ADAMTS2: variants seen among roughly 807,000 people sequenced by gnomAD.
ADAMTS2 encodes A disintegrin and metalloproteinase with thrombospondin motifs 2.
In ADAMTS2, 50 loss-of-function variants were observed where a neutral mutation model predicts 123.0. That is an observed-to-expected ratio of 0.41 (90% CI 0.32 to 0.51). The LOEUF (loss-of-function observed/expected upper bound fraction) is 0.51. ADAMTS2 is among the 20% of genes least tolerant of loss of function. The probability of loss-of-function intolerance (pLI) is 0.35; values close to 1 mark genes in which losing one functional copy is unlikely to be tolerated. For synonymous variants in ADAMTS2, 678 were observed against 695.4 expected (o/e 0.98, Z 0.39); for missense variants, 1,494 against 1,705.2 (o/e 0.88, Z 2.18).
intron 13 of ADAMTS2, among the ~76,000 whole-genome samples, chr5:179,133,964 G>A (rs775720419): frequency 4.6e-4 from 69 of 151,358 alleles, no homozygotes; most frequent in Non-Finnish European, 6.3e-4. Flanking sequence ...TGCCCGCCTC[G>A]GCCTCCCAAA....
At position 179,189,510 on chromosome 5, in the gene ADAMTS2, G is replaced by GTTTTTT. The variant is rs146295427; in HGVS notation, c.892-8361_892-8356dup. Among the ~76,000 whole-genome samples the GTTTTTT allele has an allele frequency of 1.9e-4, 15 of 78,942 alleles. No homozygotes were observed. Among genetic ancestry groups the GTTTTTT allele is most frequent in the African/African-American group, 2.7e-4 (6 of 22,382 alleles). The allele number at this position is 78,942 out of a possible 152,430, so 51.8% of individuals were successfully genotyped here. On this transcript the variant is annotated intron_variant, in intron 4 of 21. Transcript: ENST00000251582. This position sits in a 1 kb window ranked among gnomAD's most constrained non-coding sequence, Gnocchi z 4.2. Reference sequence around the variant, plus strand: ...CTACAGGCGCCCGCCAGTGCGCCTGGTTTTTTTTTTTTTTTTTTTTTTTTT... The same window carrying GTTTTTT: ...CTACAGGCGCCCGCCAGTGCGCCTGGTTTTTTTTTTTTTTTTTTTTTTTTTTTTTTT...
intron 2 of ADAMTS2, among the ~76,000 whole-genome samples, chr5:179,323,795 T>A (rs1156362120): frequency 2.6e-5 from 4 of 152,246 alleles, no homozygotes; most frequent in Non-Finnish European, 5.9e-5. Flanking sequence ...CACTCCTAGG[T>A]CTTATTATTT....
At chr5:179,127,899 C>T in intron 17 of ADAMTS2, 60 bp downstream of exon 17, 2 of 1,607,474 alleles carry the variant, frequency 1.2e-6, no homozygotes. Context: ...CAGGGATGCT[C>T]CCTACCTTCT....
chr5:179,271,419 C>T (rs1023006881), intron 3 of ADAMTS2, among the ~76,000 whole-genome samples: 5 of 152,196 alleles, frequency 3.3e-5, no homozygotes, highest in African/African-American at 1.2e-4. Flanking sequence ...CCTGAGCTCT[C>T]GGGGACACAG....
intron 3 of ADAMTS2, among the ~76,000 whole-genome samples, chr5:179,257,569 G>A (rs1257081808): frequency 1.3e-5 from 2 of 152,218 alleles, no homozygotes; most frequent in African/African-American, 4.8e-5. Flanking sequence ...CCCCGCTGCT[G>A]GCTCCCGCTG....
chr5:179,189,010 C>T lies in ADAMTS2; in HGVS notation c.892-7855G>A, dbSNP rs1210273232. Among the ~76,000 whole-genome samples the T allele has an allele frequency of 6.6e-6, 1 of 152,174 alleles. No homozygotes were observed. The highest frequency in any genetic ancestry group is 2.4e-5 in the African/African-American group (1 of 41,446). Reference sequence around the variant, plus strand: ...TAGCAGAGTGTGGGGGGGATATTCCCACTCTGAGGTCAGATTTCATGGGTG... The same window carrying T: ...TAGCAGAGTGTGGGGGGGATATTCCTACTCTGAGGTCAGATTTCATGGGTG... On this transcript the variant is annotated intron_variant, in intron 4 of 21. Coordinates refer to ENST00000251582, the MANE Select transcript of ADAMTS2 (RefSeq NM_014244.5). The surrounding 1 kb of genome is among the most constrained non-coding windows in gnomAD (Gnocchi z 4.2).
At chr5:179,284,996 G>A (rs1255476743) in intron 2 of ADAMTS2, among the ~76,000 whole-genome samples, 1 of 152,140 alleles carries the variant, frequency 6.6e-6, no homozygotes, top group Non-Finnish European at 1.5e-5. Context: ...GACAGTGTCT[G>A]CAGGGTTGAA....
chr5:179,211,934 G>A (rs1445636862), intron 3 of ADAMTS2, among the ~76,000 whole-genome samples: 1 of 152,192 alleles, frequency 6.6e-6, no homozygotes, highest in African/African-American at 2.4e-5. Context: ...CAGCATCAGG[G>A]AAACAAACCA....
chr5:179,331,799 G>C (rs545325681), intron 2 of ADAMTS2, among the ~76,000 whole-genome samples: 1 of 152,290 alleles, frequency 6.6e-6, no homozygotes, highest in African/African-American at 2.4e-5. Flanking sequence ...ACTGGGATCT[G>C]TTTTCACTCA....
At chr5:179,329,129 C>A (rs559194252) in intron 2 of ADAMTS2, among the ~76,000 whole-genome samples, 10 of 152,160 alleles carry the variant, frequency 6.6e-5, no homozygotes, top group South Asian at 4.1e-4. Context: ...AGATGGAGAC[C>A]ATCCTGGCTA....
At position 179,242,659 on chromosome 5, in the gene ADAMTS2, ACTTGCT is replaced by A. The variant is rs1367480400; in HGVS notation, c.688+30246_688+30251del. 6.6e-6 allele frequency among the ~76,000 whole-genome samples: 1 copy of A among 152,230 alleles called. No homozygotes were observed. The highest frequency in any genetic ancestry group is 1.5e-5 in the Non-Finnish European group (1 of 68,048). On this transcript the variant is annotated intron_variant, in intron 3 of 21. Transcript: ENST00000251582. This position sits in a 1 kb window ranked among gnomAD's most constrained non-coding sequence, Gnocchi z 4.2. Reference sequence around the variant, plus strand: ...AAGAATCGGTGGCACCTGAGCCATCACTTGCTCTCTCTTCCCCGCTTCTAGTCCTTC... The same window carrying A: ...AAGAATCGGTGGCACCTGAGCCATCACTCTCTTCCCCGCTTCTAGTCCTTC...
chr5:179,258,486 G>C (rs888097279), intron 3 of ADAMTS2, among the ~76,000 whole-genome samples: 2 of 152,136 alleles, frequency 1.3e-5, no homozygotes, highest in Non-Finnish European at 2.9e-5. Flanking sequence ...CTCGGCCCCA[G>C]CTCCTGCCAC....
intron 2 of ADAMTS2, among the ~76,000 whole-genome samples, chr5:179,334,892 A>G (rs1279762973): frequency 6.6e-6 from 1 of 152,248 alleles, no homozygotes; most frequent in East Asian, 1.9e-4. Context: ...AAAAATATGT[A>G]TATATAATAC....
rs561833555 is a variant in ADAMTS2 at position 179,151,015 on chromosome 5, G to C, written c.1629+1127C>G. ...GGGCTCAAACGATTTTCATGCCTCA[G>C]CCTCCGGAGTAGCTGGGATTACAGG... On this transcript the variant is annotated intron_variant, in intron 10 of 21. Coordinates refer to ENST00000251582, the MANE Select transcript of ADAMTS2 (RefSeq NM_014244.5). 3 of 204,522 alleles carry C rather than the reference G, an allele frequency of 1.5e-5. No individual in the cohort carries two copies. In the East Asian group the frequency reaches 4.7e-4, roughly 32 times the overall value. 12.7% of individuals were successfully genotyped at this position (204,522 alleles called of 1,614,324 possible). A position where few individuals can be genotyped will look rare whatever the true frequency, so the allele number is the denominator to read the frequency against.
intron 10 of ADAMTS2, among the ~76,000 whole-genome samples, chr5:179,141,471 T>C (rs1185147557): frequency 6.6e-6 from 1 of 152,028 alleles, no homozygotes. Flanking sequence ...GTGAACCCTC[T>C]CCCCAGTAAC....
At chr5:179,339,206 C>G (rs924503718) in intron 2 of ADAMTS2, among the ~76,000 whole-genome samples, 4 of 152,234 alleles carry the variant, frequency 2.6e-5, no homozygotes, top group Middle Eastern at 3.2e-3. Context: ...GCTAGGCCCG[C>G]ATCACAGCCA....
intron 4 of ADAMTS2, among the ~76,000 whole-genome samples, chr5:179,195,603 C>T (rs968849598): frequency 8.5e-5 from 13 of 152,226 alleles, no homozygotes; most frequent in Admixed American, 1.3e-4. Flanking sequence ...TGCAGGGGGG[C>T]GTGGCCTCTC....
chr5:179,286,798 T>G (rs988918091), intron 2 of ADAMTS2, among the ~76,000 whole-genome samples: 6 of 152,156 alleles, frequency 3.9e-5, no homozygotes, highest in Admixed American at 6.5e-5. Flanking sequence ...AATTAAGGTG[T>G]GGGCAGAGGC....
In ADAMTS2 at chr5:179,118,976, C is replaced by T. The variant is rs1398657224; in HGVS notation, c.3178+2685G>A. ...TGGAGAATACCTCATTCTCATTTCT[C>T]AGTAAAGGAGTGGTAGGCTCAGACA... is the stretch of plus-strand genomic sequence containing the variant. On this transcript the variant is annotated intron_variant, in intron 21 of 21. Coordinates refer to ENST00000251582, the MANE Select transcript of ADAMTS2 (RefSeq NM_014244.5). The surrounding 1 kb of genome is among the most constrained non-coding windows in gnomAD (Gnocchi z 4.5). 6.6e-6 allele frequency among the ~76,000 whole-genome samples: 1 copy of T among 152,188 alleles called. No homozygotes were observed. The highest frequency in any genetic ancestry group is 6.5e-5 in the Admixed American group (1 of 15,272).
Sources: allele counts gnomAD v4.1 joint callset (sites outside exome capture counted in the v4.1 genomes callset), GRCh38; gene constraint gnomAD v4.1.1; non-coding constraint Gnocchi (gnomAD v3.1); transcripts MANE v1.5; gene names NCBI Gene and HGNC (gene_info 2026-07-23, HGNC 2026-07-21).